DAB1: variants seen among roughly 807,000 people sequenced by gnomAD.
The protein encoded by DAB1 is disabled homolog 1.
DAB1 carries 15 observed loss-of-function variants against 64.6 expected under a neutral mutation model. The observed-to-expected ratio is 0.23, with a 90% CI of 0.16 to 0.36. The LOEUF is 0.36. Among genes scored for constraint, DAB1 ranks in the 10% least tolerant of loss-of-function variants. DAB1 has a pLI of 1.00. For missense variants in DAB1, 596 were observed against 706.7 expected (o/e 0.84, Z 1.78); for synonymous variants, 235 against 251.9 (o/e 0.93, Z 0.64).
At chr1:57,515,760 A>G (rs1349677167) in intron 7 of DAB1, among the ~76,000 whole-genome samples, 2 of 152,210 alleles carry the variant, frequency 1.3e-5, no homozygotes, top group Non-Finnish European at 2.9e-5. Flanking sequence ...CCAAGCCTTG[A>G]GCCAAGTACC....
chr1:58,375,680 A>G (rs1446709129), intron 3 of DAB1, among the ~76,000 whole-genome samples: 2 of 141,676 alleles, frequency 1.4e-5, no homozygotes, highest in African/African-American at 2.6e-5. Flanking sequence ...TTGGTATCAG[A>G]ATGATGCTGG....
intron 2 of DAB1, among the ~76,000 whole-genome samples, chr1:57,233,627 C>G (rs967713245): frequency 2.0e-5 from 3 of 151,168 alleles, no homozygotes; most frequent in African/African-American, 7.3e-5. Flanking sequence ...GGCGTGGTGG[C>G]GGGCACCTGT....
At chr1:58,056,496 C>G (rs1455842186) in intron 5 of DAB1, 1 of 1,244,146 alleles carries the variant, frequency 8.0e-7, no homozygotes, top group African/African-American at 1.5e-5. Context: ...AGGCACGGAC[C>G]AGAGAGAGCT....
At chr1:58,357,676 C>A (rs1192874082) in intron 3 of DAB1, among the ~76,000 whole-genome samples, 2 of 152,178 alleles carry the variant, frequency 1.3e-5, no homozygotes, top group Admixed American at 6.5e-5. Flanking sequence ...TGTTAAAATG[C>A]AGATTCTGAT....
At chr1:57,013,452 T>C (rs1368869526) in intron 12 of DAB1, among the ~76,000 whole-genome samples, 1 of 152,236 alleles carries the variant, frequency 6.6e-6, no homozygotes, top group Non-Finnish European at 1.5e-5. Context: ...TTTTATTCAT[T>C]ATTCCTCATT....
intron 2 of DAB1, among the ~76,000 whole-genome samples, chr1:57,225,314 C>T (rs1164561446): frequency 6.6e-6 from 1 of 152,100 alleles, no homozygotes; most frequent in Non-Finnish European, 1.5e-5. Context: ...GAACTAAATC[C>T]TTAAGTTGTG....
At chr1:57,267,229 C>A (rs950375943) in intron 2 of DAB1, among the ~76,000 whole-genome samples, 1 of 151,878 alleles carries the variant, frequency 6.6e-6, no homozygotes, top group Non-Finnish European at 1.5e-5. Flanking sequence ...CAGTGGCCAC[C>A]GAGAGCAGGA....
intron 2 of DAB1, among the ~76,000 whole-genome samples, chr1:57,155,636 T>C (rs1319409903): frequency 6.6e-6 from 1 of 152,074 alleles, no homozygotes; most frequent in Non-Finnish European, 1.5e-5. Flanking sequence ...TTGGGTAGTA[T>C]GGACATTTTA....
intron 5 of DAB1, among the ~76,000 whole-genome samples, chr1:58,033,869 A>T (rs913230257): frequency 6.6e-6 from 1 of 152,146 alleles, no homozygotes; most frequent in African/African-American, 2.4e-5. Context: ...ACTAGGACAC[A>T]TAGCCACCCT....
At chr1:57,870,233 C>T (rs1409705845) in intron 1 of DAB1, among the ~76,000 whole-genome samples, 1 of 152,042 alleles carries the variant, frequency 6.6e-6, no homozygotes, top group Non-Finnish European at 1.5e-5. Flanking sequence ...TAGCCTAGAC[C>T]TATGTGTATG....
At chr1:58,369,280 A>G (rs1161211494) in intron 3 of DAB1, among the ~76,000 whole-genome samples, 1 of 152,122 alleles carries the variant, frequency 6.6e-6, no homozygotes, top group East Asian at 1.9e-4. Context: ...TAGCTTCTGA[A>G]TATTTGTCTC....
At chr1:57,181,739 C>T (rs1413702210) in intron 2 of DAB1, among the ~76,000 whole-genome samples, 2 of 152,158 alleles carry the variant, frequency 1.3e-5, no homozygotes, top group South Asian at 2.1e-4. Flanking sequence ...CTGGCAAGGG[C>T]TTTGAAGACA....
chr1:58,012,663 C>T (rs1202015425), intron 5 of DAB1, among the ~76,000 whole-genome samples: 1 of 152,120 alleles, frequency 6.6e-6, no homozygotes, highest in African/African-American at 2.4e-5. Flanking sequence ...GTTGGTCTTG[C>T]TCTCTGTTTT....
At chr1:57,062,973 A>T (rs1391891818) in intron 8 of DAB1, 30 bp from the exon 9 acceptor site, 1 of 1,596,382 alleles carries the variant, frequency 6.3e-7, no homozygotes, top group South Asian at 1.1e-5. Context: ...AGCACAGTCA[A>T]AACACTCTGG....
intron 7 of DAB1, among the ~76,000 whole-genome samples, chr1:57,568,329 G>A (rs1645148834): frequency 6.6e-6 from 1 of 152,138 alleles, no homozygotes; most frequent in East Asian, 1.9e-4. Context: ...AACCCTAGAA[G>A]AAAACCCAGG....
intron 1 of DAB1, among the ~76,000 whole-genome samples, chr1:57,405,929 A>T (rs369717042): frequency 3.2e-4 from 49 of 152,332 alleles, no homozygotes; most frequent in African/African-American, 1.2e-3. Flanking sequence ...TTTCACATCC[A>T]TGTGCACAAC....
At chr1:58,234,058 T>C (rs1388341490) in intron 4 of DAB1, among the ~76,000 whole-genome samples, 2 of 152,116 alleles carry the variant, frequency 1.3e-5, no homozygotes, top group Non-Finnish European at 2.9e-5. Context: ...AATTATACTA[T>C]TGGGTGACTG....
chr1:57,973,825 C>G lies in DAB1; in HGVS notation n.388-89663G>C, dbSNP rs138793052. On this transcript the variant is annotated intron_variant and non_coding_transcript_variant, in intron 5 of 20. Coordinates refer to the DAB1 transcript ENST00000485760. ...ATTAGCCTCCAAGCAGTCTCTGTCA[C>G]CATCACCATTCTTGCCTCCCTATAG... Among the ~76,000 whole-genome samples, 1,326 of 152,266 alleles carry G rather than the reference C, an allele frequency of 8.7e-3. 16 individuals are homozygous for G. Among genetic ancestry groups the G allele is most frequent in the African/African-American group, 0.03 (1,257 of 41,566 alleles).
Position 57,703,043 on chromosome 1 carries a change from G to C in DAB1, n.552-53378C>G, listed in dbSNP as rs950419394. Among the ~76,000 whole-genome samples, 3 of 151,396 alleles carry C rather than the reference G, an allele frequency of 2.0e-5. No homozygotes were observed. In the East Asian group the frequency reaches 5.8e-4, roughly 29 times the overall value. On this transcript the variant is annotated intron_variant and non_coding_transcript_variant, in intron 6 of 20. Transcript: ENST00000485760. Reference sequence around the variant, plus strand: ...CACCATATACAAAAATTAACTCAAGGTAGATTAAGAACTTAAATTTAAAAC... The same window carrying C: ...CACCATATACAAAAATTAACTCAAGCTAGATTAAGAACTTAAATTTAAAAC...
Sources: gnomAD v4.1 joint callset for allele counts (sites outside exome capture counted in the v4.1 genomes callset) on GRCh38, gnomAD v4.1.1 for gene constraint, MANE v1.5 for transcripts, NCBI Gene and HGNC (gene_info 2026-07-23, HGNC 2026-07-21) for gene names.